XRCC5: variants seen among roughly 807,000 people sequenced by gnomAD.
The protein encoded by XRCC5 is X-ray repair cross complementing 5, also known as DNA repair protein Ku80.
XRCC5 carries 12 observed loss-of-function variants against 95.7 expected under a neutral mutation model. That is an observed-to-expected ratio of 0.13 (90% confidence interval 0.08 to 0.20). The LOEUF (loss-of-function observed/expected upper bound fraction) is 0.20, where lower values mean the gene tolerates loss of function less well. Among genes scored for constraint, XRCC5 ranks in the 10% least tolerant of loss-of-function variants. The probability of loss-of-function intolerance (pLI) is 1.00; values close to 1 mark genes in which losing one functional copy is unlikely to be tolerated. For missense variants in XRCC5, 595 were observed against 873.9 expected (o/e 0.68, Z 4.02); for synonymous variants, 281 against 290.3 (o/e 0.97, Z 0.33).
intron 16 of XRCC5, among the ~76,000 whole-genome samples, chr2:216,179,921 G>A (rs376734939): frequency 9.2e-5 from 14 of 152,290 alleles, no homozygotes; most frequent in South Asian, 4.1e-4. Flanking sequence ...CCACGTGACC[G>A]GAGGTAGTAA....
At chr2:216,192,585 G>A (rs917179378) in intron 17 of XRCC5, 54 bp from the exon 18 acceptor site, 2 of 1,309,318 alleles carry the variant, frequency 1.5e-6, no homozygotes, top group Non-Finnish European at 2.1e-6. Flanking sequence ...GGGTGAATTT[G>A]TTTTTGTGTT....
rs41296370 is a variant in XRCC5, at chr2:216,133,496, C to G, written c.1113+1109C>G. Among the ~76,000 whole-genome samples, 553 of 152,246 alleles carry G rather than the reference C, an allele frequency of 3.6e-3. 2 individuals carry two copies. The highest frequency in any genetic ancestry group is 0.012 in the African/African-American group (516 of 41,530). ...TTGCTTCTGCTGAAGTTTTAACTTC[C>G]ACTTACTGTCTCTTTATGCAAAGAA... is the stretch of plus-strand genomic sequence containing the variant. On this transcript the variant is annotated intron_variant, in intron 10 of 20. Transcript: ENST00000392132.
In XRCC5 at chr2:216,156,728, C is replaced by A. The variant is rs574442480; in HGVS notation, c.1671-3340C>A. On this transcript the variant is annotated intron_variant, in intron 14 of 20. Transcript: ENST00000392132. The stretch of plus-strand genomic sequence containing the variant: ...ACTACACAGCTGCACAAGATTTATT[C>A]CTCAAATGAGGATTTTGCCGCTGCT... The A allele has an allele frequency of 2.1e-5, 11 of 536,422 alleles. No homozygotes were observed. In the African/African-American group the frequency reaches 2.1e-4, roughly 10 times the overall value. The allele number at this position is 536,422 out of a possible 1,614,324, so 33.2% of individuals were successfully genotyped here. A position where few individuals can be genotyped will look rare whatever the true frequency, so the allele number is the denominator to read the frequency against.
At position 216,148,068 on chromosome 2, in the gene XRCC5, T is replaced by TA. The variant is rs1215492264; in HGVS notation, c.1477-14dup. The TA allele has an allele frequency of 1.3e-6, 2 of 1,595,650 alleles. No homozygotes were observed. Among genetic ancestry groups the TA allele is most frequent in the South Asian group, 1.2e-5 (1 of 86,828 alleles). On this transcript the variant is annotated splice_polypyrimidine_tract_variant and intron_variant, in intron 13 of 20. Coordinates refer to ENST00000392132, the MANE Select transcript of XRCC5 (RefSeq NM_021141.4). ...GTCTCCATCTGTGTTTTAAAATCCT[T>TA]ACTTTTTCCAACAGTGTCTGCTGCA... is the stretch of plus-strand genomic sequence containing the variant.
chr2:216,190,450 G>A, intron 17 of XRCC5, 116 bp downstream of exon 17: 1 of 784,320 alleles, frequency 1.3e-6, no homozygotes, highest in East Asian at 2.7e-5. Context: ...TTCTCAATAT[G>A]AATAGCAGTG....
chr2:216,177,499 T>C (rs1388607174), intron 16 of XRCC5, among the ~76,000 whole-genome samples: 2 of 152,216 alleles, frequency 1.3e-5, no homozygotes, highest in Non-Finnish European at 2.9e-5. Flanking sequence ...CAAGACTGTA[T>C]GTGTTTCTGA....
At chr2:216,165,078 A>G (rs1689029737) in intron 16 of XRCC5, among the ~76,000 whole-genome samples, 2 of 152,226 alleles carry the variant, frequency 1.3e-5, no homozygotes, top group African/African-American at 4.8e-5. Flanking sequence ...GATAAACTGT[A>G]AAATTGGAGG....
Position 216,148,158 on chromosome 2 carries a change from C to A in XRCC5, c.1552C>A (p.Pro518Thr). The A allele has an allele frequency of 6.2e-7, 1 of 1,614,094 alleles. No homozygotes were observed. The highest frequency in any genetic ancestry group is 8.5e-7 in the Non-Finnish European group (1 of 1,179,992). Residue 518 changes from proline (P) to threonine (T), a missense_variant, in exon 14 of 21, where the codon CCT (proline) becomes ACT (threonine). Pro to Thr is a conservative substitution (Grantham distance 38). Transcript: ENST00000392132. Reference protein sequence around the residue: ...IQQHIWNMLNPPAEVTTKSQI... With the variant: ...IQQHIWNMLNTPAEVTTKSQI... ...GCAGCATATTTGGAATATGCTGAAT[C>A]CTCCCGCTGAGGTGACAACAAAAAG... is the stretch of plus-strand genomic sequence containing the variant.
At chr2:216,113,341 T>C (rs1354892872) in intron 2 of XRCC5, among the ~76,000 whole-genome samples, 1 of 152,204 alleles carries the variant, frequency 6.6e-6, no homozygotes, top group African/African-American at 2.4e-5. Context: ...TCACTAGATA[T>C]TACAGTTTTT....
At position 216,187,861 on chromosome 2, in the gene XRCC5, T is replaced by TCTCCCCCC. The variant is rs143232624; in HGVS notation, c.1835-2363_1835-2362insTCCCCCCC. ...CTCTCTCTCTCTCTCTCTCTCTCTC[T>TCTCCCCCC]CCCCGTCTCCCTGTCTCTCCCTCTC... On this transcript the variant is annotated intron_variant, in intron 16 of 20. Transcript: ENST00000392132. Among the ~76,000 whole-genome samples the TCTCCCCCC allele has an allele frequency of 3.3e-4, 38 of 116,248 alleles. 2 individuals are homozygous for TCTCCCCCC. The highest frequency in any genetic ancestry group is 1.6e-3 in the African/African-American group (38 of 23,884). 76.3% of individuals were successfully genotyped at this position (116,248 alleles called of 152,430 possible). A position where few individuals can be genotyped will look rare whatever the true frequency, so the allele number is the denominator to read the frequency against.
intron 16 of XRCC5, chr2:216,175,555 C>T (rs573017800): frequency 3.0e-4 from 122 of 407,490 alleles, no homozygotes; most frequent in South Asian, 9.3e-4. Context: ...TTTTTCCACT[C>T]TGTCATCCAT....
rs1049215687 is a variant in XRCC5 at position 216,198,833 on chromosome 2, G to A, written c.2109+3847G>A. On this transcript the variant is annotated intron_variant, in intron 19 of 20. Transcript: ENST00000392132. Reference sequence around the variant, plus strand: ...TTCCCAAAGTGCTGGGATTGCAGGCGTGTAATCCCAGCCATGCCTGGCCTG... The same window carrying A: ...TTCCCAAAGTGCTGGGATTGCAGGCATGTAATCCCAGCCATGCCTGGCCTG... Among the ~76,000 whole-genome samples the A allele has an allele frequency of 2.6e-5, 4 of 152,180 alleles. No homozygotes were observed. In the South Asian group the frequency reaches 6.2e-4, roughly 24 times the overall value.
At chr2:216,173,557 C>T (rs539858498) in intron 16 of XRCC5, among the ~76,000 whole-genome samples, 2 of 152,212 alleles carry the variant, frequency 1.3e-5, no homozygotes, top group East Asian at 1.9e-4. Flanking sequence ...AAAATCCAGT[C>T]GTTCTATAAA....
At chr2:216,137,009 A>G in intron 10 of XRCC5, 79 bp from the exon 11 acceptor site, 2 of 1,461,958 alleles carry the variant, frequency 1.4e-6, no homozygotes, top group Admixed American at 4.6e-5. Flanking sequence ...GAAAGTGATA[A>G]CAGTCTTAAA....
chr2:216,139,923 T>G (rs1574462348), intron 12 of XRCC5, among the ~76,000 whole-genome samples: 1 of 152,256 alleles, frequency 6.6e-6, no homozygotes, highest in East Asian at 1.9e-4. Flanking sequence ...AACATTTGTT[T>G]ACATTTTCTC....
chr2:216,113,729 C>T (rs1397995076), intron 2 of XRCC5, among the ~76,000 whole-genome samples: 2 of 152,202 alleles, frequency 1.3e-5, no homozygotes, highest in East Asian at 1.9e-4. Flanking sequence ...ACGATGCTTT[C>T]TAGTGGCTGT....
chr2:216,130,719 A>G (rs1428847786), intron 8 of XRCC5, 156 bp from the exon 9 acceptor site: 19 of 534,900 alleles, frequency 3.6e-5, no homozygotes, highest in Non-Finnish European at 4.9e-5. Flanking sequence ...CTTTTTCACC[A>G]TTGATCACAA....
At chr2:216,197,539 C>T (rs1403962067) in intron 19 of XRCC5, among the ~76,000 whole-genome samples, 1 of 151,394 alleles carries the variant, frequency 6.6e-6, no homozygotes, top group African/African-American at 2.4e-5. Context: ...AGAATCTCTT[C>T]TACTTCAGCC....
At chr2:216,200,647 A>G (rs1209739179) in intron 19 of XRCC5, among the ~76,000 whole-genome samples, 3 of 152,260 alleles carry the variant, frequency 2.0e-5, no homozygotes, top group Middle Eastern at 3.4e-3. Context: ...GAACATTTCC[A>G]TCACCACATA....
Sources: gnomAD v4.1 joint callset for allele counts (sites outside exome capture counted in the v4.1 genomes callset) on GRCh38, gnomAD v4.1.1 for gene constraint, MANE v1.5 for transcripts, NCBI Gene and HGNC (gene_info 2026-07-23, HGNC 2026-07-21) for gene names.